Variants in NAALADL1 observed in about 807,000 individuals in gnomAD.
The protein encoded by NAALADL1 is aminopeptidase NAALADL1.
A neutral mutation model predicts 82.8 loss-of-function variants in NAALADL1; 77 were observed. The ratio of observed to expected loss-of-function variants is 0.93; its 90% CI spans 0.77 to 1.12. NAALADL1 has a LOEUF of 1.12. Among genes scored for constraint, NAALADL1 ranks in the 50% most tolerant of loss-of-function variants. The probability of loss-of-function intolerance (pLI) is 0.00; values close to 1 mark genes in which losing one functional copy is unlikely to be tolerated. For synonymous variants in NAALADL1, 358 were observed against 399.2 expected, an observed-to-expected ratio of 0.90 and a Z score of 1.23; for missense variants, 956 against 964.0, an observed-to-expected ratio of 0.99 and a Z score of 0.11.
Position 65,045,562 on chromosome 11 carries a change from A to G in NAALADL1, c.2037-105T>C, listed in dbSNP as rs1276056564. The G allele has an allele frequency of 6.5e-6, 8 of 1,236,494 alleles. No individual in the cohort carries two copies. The East Asian group carries it at 1.8e-4, about 27-fold the overall frequency. 76.6% of individuals were successfully genotyped at this position (1,236,494 alleles called of 1,614,324 possible). A position where few individuals can be genotyped will look rare whatever the true frequency, so the allele number is the denominator to read the frequency against. On this transcript the variant is annotated intron_variant, in intron 17 of 17. Transcript: ENST00000358658. Reference sequence around the variant, plus strand: ...GCTCCTGTACGCAGCGAGGCAGAAAAGCACCCCCGTCCACTTGTCTCTGAA... The same window carrying G: ...GCTCCTGTACGCAGCGAGGCAGAAAGGCACCCCCGTCCACTTGTCTCTGAA...
chr11:65,052,458 T>C (rs1340021818), intron 8 of NAALADL1, among the ~76,000 whole-genome samples: 3 of 152,078 alleles, frequency 2.0e-5, no homozygotes, highest in Non-Finnish European at 4.4e-5. Context: ...GGACTACAGG[T>C]GCACACCACC....
chr11:65,046,372 G>C lies in NAALADL1; in HGVS notation c.1682-10C>G. ...TGATGGCTGCTGAAGCCTGCGGCAA[G>C]GTGACAAGGCCAGGGCTCAGTCTTC... is the stretch of plus-strand genomic sequence containing the variant. On this transcript the variant is annotated splice_polypyrimidine_tract_variant and intron_variant, in intron 14 of 17. Coordinates refer to ENST00000358658, the MANE Select transcript of NAALADL1 (RefSeq NM_005468.3). The C allele has an allele frequency of 6.2e-7, 1 of 1,614,216 alleles. No homozygotes were observed. The highest frequency in any genetic ancestry group is 2.2e-5 in the East Asian group (1 of 44,884).
rs369669627 is a variant in NAALADL1, at chr11:65,047,456, C to G, written c.1599+19G>C. 1.3e-6 allele frequency: 2 copies of G among 1,551,274 alleles called. No homozygotes were observed. Among genetic ancestry groups the G allele is most frequent in the Admixed American group, 3.9e-5 (2 of 51,002 alleles). On this transcript the variant is annotated intron_variant, in intron 13 of 17. Transcript: ENST00000358658. ...ATGCAGCAAGGTACCGAGGCAGGGA[C>G]GGAGGGGCGCCTGCTCACCCGGTCA... is the stretch of plus-strand genomic sequence containing the variant.
upstream of NAALADL1, among the ~76,000 whole-genome samples, chr11:65,060,846 C>T (rs1437881180): frequency 2.0e-5 from 3 of 152,084 alleles, no homozygotes; most frequent in South Asian, 4.2e-4. Flanking sequence ...AGCACATGAA[C>T]ACCTTTCATT....
Position 65,045,878 on chromosome 11 carries a change from C to G in NAALADL1, c.1980G>C (p.Met660Ile). The change falls in exon 17 of 18, where the codon ATG (methionine) becomes ATC (isoleucine). Residue 660 changes from methionine (M) to isoleucine (I), a missense_variant. By Grantham distance (10) the Met-to-Ile change is conservative (BLOSUM62 1). Transcript: ENST00000358658. ...LQVRMLNDQL[M>I]LLERTFLNPR... ...GGTTCAGAAAGGTCCGTTCCAAGAG[C>G]ATCAACTGGTCATTGAGCATCCGGA... 2 of 1,614,182 alleles carry G rather than the reference C, an allele frequency of 1.2e-6. No individual in the cohort carries two copies. The highest frequency in any genetic ancestry group is 1.7e-5 in the Admixed American group (1 of 60,028).
At position 65,054,213 on chromosome 11, in the gene NAALADL1, G is replaced by A; in HGVS notation, c.992+37C>T. 2 of 1,564,128 alleles carry A rather than the reference G, an allele frequency of 1.3e-6. No individual in the cohort carries two copies. Among genetic ancestry groups the A allele is most frequent in the South Asian group, 2.3e-5 (2 of 88,304 alleles). On this transcript the variant is annotated intron_variant, in intron 6 of 17. Transcript: ENST00000358658. The surrounding 1 kb of genome is among the most constrained non-coding windows in gnomAD (Gnocchi z 4.3). ...AAGGGGAGAGGCGAGTTGGGGGAGA[G>A]GGCAACTGAGGGAGACCTGGTCTGG... is the stretch of plus-strand genomic sequence containing the variant.
At chr11:65,051,030 CATT>C (rs908601013) in intron 8 of NAALADL1, among the ~76,000 whole-genome samples, 1 of 152,110 alleles carries the variant, frequency 6.6e-6, no homozygotes, top group African/African-American at 2.4e-5. Flanking sequence ...CGTGATGAAA[CATT>C]AATATTAGGA....
chr11:65,054,411 G>A lies in NAALADL1; in HGVS notation c.887+44C>T. 1 of 1,612,502 alleles carries A rather than the reference G, an allele frequency of 6.2e-7. No individual in the cohort carries two copies. The highest frequency in any genetic ancestry group is 1.3e-5 in the African/African-American group (1 of 74,988). ...ATGTGAGTGTGGGGCTTGAAGTCTGGAGGCCACTGGGGCTGGGCAGGACAC... is the reference window on the plus strand; with the variant it reads ...ATGTGAGTGTGGGGCTTGAAGTCTGAAGGCCACTGGGGCTGGGCAGGACAC... On this transcript the variant is annotated intron_variant, in intron 5 of 17. Transcript: ENST00000358658. This position sits in a 1 kb window ranked among gnomAD's most constrained non-coding sequence, Gnocchi z 4.3.
chr11:65,045,657 G>C, intron 17 of NAALADL1, 165 bp downstream of exon 17: 1 of 878,704 alleles, frequency 1.1e-6, no homozygotes, highest in Non-Finnish European at 1.7e-6. Flanking sequence ...CTCCCAGAGG[G>C]ACCCTCAAGC....
intron 4 of NAALADL1, 25 bp downstream of exon 4, chr11:65,057,346 C>T: frequency 6.3e-7 from 1 of 1,592,262 alleles, no homozygotes; most frequent in Non-Finnish European, 8.6e-7. Flanking sequence ...ACCGAGGCCT[C>T]CTGCACTGGG....
At chr11:65,047,403 G>C (rs1946758817) in intron 13 of NAALADL1, 72 bp downstream of exon 13, 2 of 1,349,328 alleles carry the variant, frequency 1.5e-6, no homozygotes, top group Admixed American at 4.4e-5. Context: ...GTCTGTATGA[G>C]AACAGCCACA....
Position 65,054,208 on chromosome 11 carries a change from G to A in NAALADL1, c.992+42C>T, listed in dbSNP as rs1205467290. Reference sequence around the variant, plus strand: ...AAGGGAAGGGGAGAGGCGAGTTGGGGGAGAGGGCAACTGAGGGAGACCTGG... The same window carrying A: ...AAGGGAAGGGGAGAGGCGAGTTGGGAGAGAGGGCAACTGAGGGAGACCTGG... On this transcript the variant is annotated intron_variant, in intron 6 of 17. Transcript: ENST00000358658. The surrounding 1 kb of genome is among the most constrained non-coding windows in gnomAD (Gnocchi z 4.3). 6 of 1,544,946 alleles carry A rather than the reference G, an allele frequency of 3.9e-6. No individual in the cohort carries two copies. Among genetic ancestry groups the A allele is most frequent in the South Asian group, 3.4e-5 (3 of 87,560 alleles).
At chr11:65,058,555 G>A, upstream of NAALADL1, 2 of 1,528,676 alleles carry the variant, frequency 1.3e-6, no homozygotes, top group Non-Finnish European at 1.8e-6. Flanking sequence ...GGTAGGACTG[G>A]TCTATAGGTT....
At chr11:65,055,430 C>G (rs930933967) in intron 4 of NAALADL1, among the ~76,000 whole-genome samples, 3 of 152,108 alleles carry the variant, frequency 2.0e-5, no homozygotes, top group African/African-American at 7.2e-5. Flanking sequence ...GAGCAAGACT[C>G]TGTCTCAAAA....
chr11:65,060,783 T>C (rs1947175892), upstream of NAALADL1, among the ~76,000 whole-genome samples: 1 of 152,132 alleles, frequency 6.6e-6, no homozygotes, highest in Non-Finnish European at 1.5e-5. Context: ...GTATGGCCCC[T>C]CCCAGAACAT....
In NAALADL1 at chr11:65,054,272, C is replaced by G. The variant is rs1483238151; in HGVS notation, c.970G>C (p.Asp324His). Residue 324 changes from aspartate (D) to histidine (H), a missense_variant, in exon 6 of 18, where the codon GAC becomes CAC. Physicochemically the swap from Asp to His is moderately conservative, Grantham distance 81. Coordinates refer to ENST00000358658, the MANE Select transcript of NAALADL1 (RefSeq NM_005468.3). The surrounding 1 kb of genome is among the most constrained non-coding windows in gnomAD (Gnocchi z 4.3). ...CACCTGTCTGCTGGGAAGTCTCCGT[C>G]AGGCCGGAAGCCGGGACCCAACCTG... ...HYRLGPGFRP[D>H]GDFPADSQVN... 1 of 1,614,092 alleles carries G rather than the reference C, an allele frequency of 6.2e-7. No homozygotes were observed.
chr11:65,057,339 G>A (rs770174880), intron 4 of NAALADL1, 32 bp downstream of exon 4: 103 of 1,573,510 alleles, frequency 6.5e-5, no homozygotes, highest in Admixed American at 4.7e-4. Flanking sequence ...CTTCCTCACC[G>A]AGGCCTCCTG....
rs1411876336 is a variant in NAALADL1, at chr11:65,054,576, G to A, written c.766C>T (p.Pro256Ser). Residue 256 changes from proline to serine, a missense_variant, in exon 5 of 18, where the codon CCT (proline) becomes TCT (serine). Pro to Ser is a moderately conservative substitution (Grantham distance 74, BLOSUM62 -1). Coordinates refer to ENST00000358658, the MANE Select transcript of NAALADL1 (RefSeq NM_005468.3). The surrounding 1 kb of genome is among the most constrained non-coding windows in gnomAD (Gnocchi z 4.3). ...ACGGCTGGAAGGTAGGGAGTCAGAG[G>A]GTCCCCAAAATACTCGTAGTAGGAG... The part of the protein sequence containing the change: ...RGSYYEYFGD[P>S]LTPYLPAVPS... 1 of 1,613,736 alleles carries A rather than the reference G, an allele frequency of 6.2e-7. No homozygotes were observed. Among genetic ancestry groups the A allele is most frequent in the East Asian group, 2.2e-5 (1 of 44,864 alleles).
intron 10 of NAALADL1, 22 bp downstream of exon 10, chr11:65,048,130 T>G: frequency 6.2e-7 from 1 of 1,614,070 alleles, no homozygotes; most frequent in South Asian, 1.1e-5. Context: ...TCCTCCCCTT[T>G]CCTGCCCCAC....
Sources: gnomAD v4.1 joint callset for allele counts (sites outside exome capture counted in the v4.1 genomes callset) on GRCh38, gnomAD v4.1.1 for gene constraint, Gnocchi (gnomAD v3.1) non-coding constraint, MANE v1.5 for transcripts, NCBI Gene and HGNC (gene_info 2026-07-23, HGNC 2026-07-21) for gene names.